Variants in GMDS observed in about 807,000 individuals in gnomAD.
The protein encoded by GMDS is GDP-mannose 4,6 dehydratase.
In GMDS, 20 loss-of-function variants were observed where a neutral mutation model predicts 49.9. The ratio of observed to expected loss-of-function variants is 0.40; its 90% confidence interval spans 0.28 to 0.58. The LOEUF (loss-of-function observed/expected upper bound fraction) is 0.58. GMDS is among the 20% of genes least tolerant of loss of function. GMDS has a pLI of 0.42. For missense variants in GMDS, 362 were observed against 481.4 expected, an observed-to-expected ratio of 0.75 and a Z score of 2.32; for synonymous variants, 177 against 178.6, an observed-to-expected ratio of 0.99 and a Z score of 0.07.
intron 7 of GMDS, among the ~76,000 whole-genome samples, chr6:1,787,898 T>A (rs1455960936): frequency 1.3e-5 from 2 of 152,078 alleles, no homozygotes; most frequent in African/African-American, 2.4e-5. Context: ...AGGACTGAAA[T>A]GTGGACCTCC....
intron 1 of GMDS, among the ~76,000 whole-genome samples, chr6:2,142,716 A>G (rs1010542136): frequency 1.3e-5 from 2 of 152,180 alleles, no homozygotes; most frequent in Non-Finnish European, 2.9e-5. Context: ...GTGGACTAAC[A>G]CAAGACCAAA....
chr6:1,744,505 A>G (rs1767405503), intron 7 of GMDS, among the ~76,000 whole-genome samples: 1 of 152,182 alleles, frequency 6.6e-6, no homozygotes, highest in African/African-American at 2.4e-5. Flanking sequence ...GGCATGAAAT[A>G]CAAGTTGTTC....
At chr6:1,845,593 G>T (rs558917612) in intron 7 of GMDS, among the ~76,000 whole-genome samples, 5 of 152,076 alleles carry the variant, frequency 3.3e-5, no homozygotes, top group Non-Finnish European at 7.4e-5. Context: ...GTAAGTCAGC[G>T]GTCCCCATCC....
chr6:2,019,360 C>A (rs1768113001), intron 4 of GMDS, among the ~76,000 whole-genome samples: 1 of 151,880 alleles, frequency 6.6e-6, no homozygotes, highest in South Asian at 2.1e-4. Flanking sequence ...AGAGACAGCC[C>A]ATAATCTCCT....
intron 4 of GMDS, among the ~76,000 whole-genome samples, chr6:2,067,687 C>G (rs1245156423): frequency 6.6e-6 from 1 of 152,144 alleles, no homozygotes; most frequent in Non-Finnish European, 1.5e-5. Context: ...AATTCCTCGA[C>G]ACATACACTC....
chr6:1,899,197 G>C (rs1481929952), intron 7 of GMDS, among the ~76,000 whole-genome samples: 1 of 152,062 alleles, frequency 6.6e-6, no homozygotes, highest in Non-Finnish European at 1.5e-5. Context: ...CCAGGCACAT[G>C]GTAAATAATT....
intron 7 of GMDS, among the ~76,000 whole-genome samples, chr6:1,911,632 G>A (rs191713276): frequency 3.3e-5 from 5 of 151,970 alleles, no homozygotes; most frequent in Admixed American, 2.0e-4. Context: ...CACGCTGCAT[G>A]GGCTAGTTTT....
At chr6:1,965,614 A>G (rs1289508997) in intron 4 of GMDS, among the ~76,000 whole-genome samples, 3 of 152,162 alleles carry the variant, frequency 2.0e-5, no homozygotes, top group Non-Finnish European at 4.4e-5. Context: ...GTTGAGCCCC[A>G]GAGAGCAAGA....
At chr6:1,877,929 A>T (rs927474209) in intron 7 of GMDS, among the ~76,000 whole-genome samples, 1 of 152,196 alleles carries the variant, frequency 6.6e-6, no homozygotes, top group East Asian at 1.9e-4. Context: ...AGCCACACCT[A>T]TGTGCTCTCT....
chr6:1,686,803 G>A (rs1158052020), intron 9 of GMDS, among the ~76,000 whole-genome samples: 1 of 152,154 alleles, frequency 6.6e-6, no homozygotes, highest in East Asian at 1.9e-4. Flanking sequence ...TTATAAAAGG[G>A]TTAAAACCAT....
chr6:1,673,631 T>C (rs891282465), intron 9 of GMDS, among the ~76,000 whole-genome samples: 5 of 152,156 alleles, frequency 3.3e-5, no homozygotes, highest in South Asian at 2.1e-4. Context: ...TATAATGTCA[T>C]GTATCCACCA....
chr6:1,657,621 G>A lies in GMDS; in HGVS notation c.988-33081C>T, dbSNP rs185248398. 1.4e-4 allele frequency among the ~76,000 whole-genome samples: 21 copies of A among 152,238 alleles called. No individual in the cohort carries two copies. The East Asian group carries it at 4.1e-3, about 29-fold the overall frequency. ...CTGGTGTTCACACGGCTCTTTCACTGGCTGAGTTTGTGAGGCGAGACCAGA... is the reference window on the plus strand; with the variant it reads ...CTGGTGTTCACACGGCTCTTTCACTAGCTGAGTTTGTGAGGCGAGACCAGA... On this transcript the variant is annotated intron_variant, in intron 9 of 10. Transcript: ENST00000380815.
At chr6:1,792,718 C>T (rs1769591995) in intron 7 of GMDS, among the ~76,000 whole-genome samples, 2 of 152,092 alleles carry the variant, frequency 1.3e-5, no homozygotes. Context: ...AAAGTCATTT[C>T]CAAAATTTAG....
chr6:1,780,366 A>G (rs1248417083), intron 7 of GMDS, among the ~76,000 whole-genome samples: 2 of 152,228 alleles, frequency 1.3e-5, no homozygotes, highest in African/African-American at 4.8e-5. Context: ...GGATGCTAGA[A>G]GACACACAGA....
Position 1,625,372 on chromosome 6 carries a change from T to G in GMDS, c.988-832A>C, listed in dbSNP as rs796961473. On this transcript the variant is annotated intron_variant, in intron 9 of 10. Transcript: ENST00000380815. ...TTCTGTTCCTAAGAAAATGCCGATC[T>G]CGACCCACTTGTACTTCCACGAGCG... 1.2e-4 allele frequency: 18 copies of G among 151,454 alleles called. 1 individual carries two copies. The highest frequency in any genetic ancestry group is 4.1e-4 in the African/African-American group (17 of 41,428). 9.4% of individuals were successfully genotyped at this position (151,454 alleles called of 1,614,324 possible). A position where few individuals can be genotyped will look rare whatever the true frequency, so the allele number is the denominator to read the frequency against.
At chr6:2,100,456 A>T (rs1011357585) in intron 4 of GMDS, among the ~76,000 whole-genome samples, 4 of 152,072 alleles carry the variant, frequency 2.6e-5, no homozygotes, top group African/African-American at 9.6e-5. Flanking sequence ...CATTACACTG[A>T]TGTTTCAATA....
At chr6:2,113,742 C>G (rs950488990) in intron 4 of GMDS, among the ~76,000 whole-genome samples, 1 of 152,004 alleles carries the variant, frequency 6.6e-6, no homozygotes, top group Non-Finnish European at 1.5e-5. Context: ...AGAGTTGAAA[C>G]CCCCACAGCA....
chr6:1,648,378 G>A (rs745829170), intron 9 of GMDS, among the ~76,000 whole-genome samples: 4 of 152,202 alleles, frequency 2.6e-5, no homozygotes, highest in Non-Finnish European at 5.9e-5. Flanking sequence ...GCTTTCTGAT[G>A]TAGCTGCCCA....
At chr6:2,136,763 C>T (rs965761541) in intron 1 of GMDS, among the ~76,000 whole-genome samples, 1 of 151,872 alleles carries the variant, frequency 6.6e-6, no homozygotes, top group Non-Finnish European at 1.5e-5. Flanking sequence ...GTAAACTGGG[C>T]ATGGTGAGGC....
Sources: allele counts gnomAD v4.1 joint callset (sites outside exome capture counted in the v4.1 genomes callset), GRCh38; gene constraint gnomAD v4.1.1; transcripts MANE v1.5; gene names NCBI Gene and HGNC (gene_info 2026-07-23, HGNC 2026-07-21).